The following MDGA2 variants were observed in gnomAD, a reference collection of about 807,000 sequenced individuals.
The protein encoded by MDGA2 is MAM domain-containing glycosylphosphatidylinositol anchor protein 2.
MDGA2 carries 40 observed loss-of-function variants against 117.8 expected under a neutral mutation model. The ratio of observed to expected loss-of-function variants is 0.34; its 90% CI spans 0.26 to 0.44. The LOEUF is 0.44. Among genes scored for constraint, MDGA2 ranks in the 20% least tolerant of loss-of-function variants. The pLI is 1.00. For synonymous variants in MDGA2, 452 were observed against 439.0 expected (o/e 1.03, Z -0.37); for missense variants, 1,123 against 1,250.6 (o/e 0.90, Z 1.54).
At chr14:47,151,505 T>A (rs745443888) in intron 3 of MDGA2, among the ~76,000 whole-genome samples, 2 of 152,218 alleles carry the variant, frequency 1.3e-5, no homozygotes, top group Non-Finnish European at 2.9e-5. Flanking sequence ...TCTCTATGTT[T>A]ATTCAACAGT....
intron 2 of MDGA2, among the ~76,000 whole-genome samples, chr14:47,272,770 C>CAGTG (rs1319519222): frequency 3.3e-5 from 5 of 152,150 alleles, no homozygotes; most frequent in Non-Finnish European, 5.9e-5. Context: ...TTTCATCACA[C>CAGTG]CAGTGTGTTT....
At chr14:46,848,599 TC>T in intron 15 of MDGA2, among the ~76,000 whole-genome samples, 2 of 149,860 alleles carry the variant, frequency 1.3e-5, no homozygotes, top group Middle Eastern at 6.8e-3. Context: ...TCCTCCTGCC[TC>T]CCTGTGCAGC....
At position 46,855,349 on chromosome 14, in the gene MDGA2, T is replaced by C. The variant is rs1881228380; in HGVS notation, c.2753-195A>G. On this transcript the variant is annotated intron_variant, in intron 14 of 16. Coordinates refer to ENST00000399232, the MANE Select transcript of MDGA2 (RefSeq NM_001113498.3). This position sits in a 1 kb window ranked among gnomAD's most constrained non-coding sequence, Gnocchi z 4.1. Reference sequence around the variant, plus strand: ...TGATCCAAAAGTAACCATCTCCTAATTCCCTAGAACATGTGCATGTTGCCT... The same window carrying C: ...TGATCCAAAAGTAACCATCTCCTAACTCCCTAGAACATGTGCATGTTGCCT... Among the ~76,000 whole-genome samples, 1 of 152,112 alleles carries C rather than the reference T, an allele frequency of 6.6e-6. No individual in the cohort carries two copies. The highest frequency in any genetic ancestry group is 6.6e-5 in the Admixed American group (1 of 15,246).
chr14:47,127,882 C>T (rs911318082), intron 5 of MDGA2, among the ~76,000 whole-genome samples: 6 of 151,936 alleles, frequency 3.9e-5, no homozygotes, highest in African/African-American at 1.5e-4. Context: ...TCCTGGTAAT[C>T]TTCCCCTTTT....
intron 1 of MDGA2, among the ~76,000 whole-genome samples, chr14:47,556,359 G>A (rs1363436753): frequency 6.6e-6 from 1 of 152,110 alleles, no homozygotes; most frequent in Non-Finnish European, 1.5e-5. Flanking sequence ...TCCAAATCCT[G>A]CCCAATACAT....
intron 2 of MDGA2, among the ~76,000 whole-genome samples, chr14:47,242,887 G>A (rs936069456): frequency 3.3e-5 from 5 of 151,868 alleles, no homozygotes; most frequent in Non-Finnish European, 2.9e-5. Context: ...GGATCCACTA[G>A]GTGAAGCCAG....
rs1883578510 is a variant in MDGA2 at position 46,908,408 on chromosome 14, T to G, written c.2238+11604A>C. On this transcript the variant is annotated intron_variant, in intron 10 of 16. Transcript: ENST00000399232. The stretch of plus-strand genomic sequence containing the variant: ...TTCTATCCTATTTTAAAATTGTGAT[T>G]ATTGAGATAGAAAATTTAAAATAAT... 2.0e-5 allele frequency among the ~76,000 whole-genome samples: 3 copies of G among 152,306 alleles called. No individual in the cohort carries two copies. The South Asian group carries it at 6.2e-4, about 32-fold the overall frequency.
chr14:46,994,544 C>G (rs939575447), intron 8 of MDGA2, among the ~76,000 whole-genome samples: 8 of 148,374 alleles, frequency 5.4e-5, no homozygotes, highest in African/African-American at 2.0e-4. Flanking sequence ...CACACACACT[C>G]AAAACACTCA....
intron 1 of MDGA2, among the ~76,000 whole-genome samples, chr14:47,532,592 C>T (rs1341055853): frequency 6.6e-6 from 1 of 152,136 alleles, no homozygotes; most frequent in African/African-American, 2.4e-5. Flanking sequence ...TCATATTCAC[C>T]TCCTTGCACT....
intron 5 of MDGA2, among the ~76,000 whole-genome samples, chr14:47,119,715 A>T (rs1881549732): frequency 6.6e-6 from 1 of 152,202 alleles, no homozygotes; most frequent in Non-Finnish European, 1.5e-5. Context: ...AGAAAGACAT[A>T]TTAAGAATAG....
At chr14:47,097,211 A>T (rs1880026612) in intron 5 of MDGA2, 88 bp from the exon 6 acceptor site, 1 of 1,421,688 alleles carries the variant, frequency 7.0e-7, no homozygotes, top group Non-Finnish European at 9.6e-7. Context: ...TTCATTCAAA[A>T]AATTAAAATG....
intron 1 of MDGA2, among the ~76,000 whole-genome samples, chr14:47,543,662 T>C (rs1335895849): frequency 6.6e-6 from 1 of 152,244 alleles, no homozygotes; most frequent in Non-Finnish European, 1.5e-5. Context: ...ATATCTTGTG[T>C]TCACTCATGC....
At chr14:46,922,055 A>G (rs1884152840) in intron 9 of MDGA2, among the ~76,000 whole-genome samples, 1 of 152,214 alleles carries the variant, frequency 6.6e-6, no homozygotes, top group African/African-American at 2.4e-5. Context: ...AGAATCAAGA[A>G]GAGAATACAG....
intron 1 of MDGA2, among the ~76,000 whole-genome samples, chr14:47,666,861 A>T (rs59184247): frequency 1.3e-5 from 2 of 152,218 alleles, no homozygotes; most frequent in Non-Finnish European, 2.9e-5. Context: ...CAAGACCACA[A>T]AGCCACTGGG....
Position 47,068,408 on chromosome 14 carries a change from GAAA to G in MDGA2, c.1196-6833_1196-6831del, listed in dbSNP as rs34161987. Among the ~76,000 whole-genome samples the G allele has an allele frequency of 1.2e-3, 167 of 133,810 alleles. 2 individuals are homozygous for G. Among genetic ancestry groups the G allele is most frequent in the African/African-American group, 4.0e-3 (148 of 36,870 alleles). 87.8% of individuals were successfully genotyped at this position (133,810 alleles called of 152,430 possible). A position where few individuals can be genotyped will look rare whatever the true frequency, so the allele number is the denominator to read the frequency against. ...ACCATTTTAATCCTATTTTAAGTAA[GAAA>G]AAAAAAATATATATATATATATTGC... On this transcript the variant is annotated intron_variant, in intron 6 of 16. Coordinates refer to ENST00000399232, the MANE Select transcript of MDGA2 (RefSeq NM_001113498.3).
intron 1 of MDGA2, among the ~76,000 whole-genome samples, chr14:47,409,368 G>A (rs868663927): frequency 1.3e-5 from 2 of 152,128 alleles, no homozygotes; most frequent in Admixed American, 1.3e-4. Flanking sequence ...TAAAATTTCG[G>A]AGATTCTTTT....
At chr14:46,946,321 T>G (rs2138595954) in intron 9 of MDGA2, among the ~76,000 whole-genome samples, 1 of 152,144 alleles carries the variant, frequency 6.6e-6, no homozygotes, top group African/African-American at 2.4e-5. Context: ...GTAATGCCAA[T>G]TTATATGATA....
At chr14:46,937,883 T>G (rs2138571110) in intron 9 of MDGA2, among the ~76,000 whole-genome samples, 1 of 152,004 alleles carries the variant, frequency 6.6e-6, no homozygotes, top group East Asian at 1.9e-4. Context: ...TTCAGAACAC[T>G]GGGCTGAGAA....
chr14:47,516,723 A>G (rs1894760239), intron 1 of MDGA2, among the ~76,000 whole-genome samples: 1 of 152,190 alleles, frequency 6.6e-6, no homozygotes, highest in Admixed American at 6.6e-5. Context: ...GCAGATAAGC[A>G]AAGCCAAACT....
Sources: gnomAD v4.1 joint callset for allele counts (sites outside exome capture counted in the v4.1 genomes callset) on GRCh38, gnomAD v4.1.1 for gene constraint, Gnocchi (gnomAD v3.1) non-coding constraint, MANE v1.5 for transcripts, NCBI Gene and HGNC (gene_info 2026-07-23, HGNC 2026-07-21) for gene names.